Variants in GALNT13 observed in about 807,000 individuals in gnomAD.
The protein encoded by GALNT13 is polypeptide N-acetylgalactosaminyltransferase 13.
A neutral mutation model predicts 64.2 loss-of-function variants in GALNT13; 28 were observed. The observed-to-expected ratio is 0.44, with a 90% CI of 0.32 to 0.60. The LOEUF (loss-of-function observed/expected upper bound fraction) is 0.60, where lower values mean the gene tolerates loss of function less well. GALNT13 is among the 20% of genes least tolerant of loss of function. The pLI, the probability that GALNT13 is intolerant of heterozygous loss-of-function variation, is 0.05. For synonymous variants in GALNT13, 214 were observed against 224.6 expected (o/e 0.95, Z 0.42); for missense variants, 577 against 669.8 (o/e 0.86, Z 1.53).
the GALNT13 span, among the ~76,000 whole-genome samples, chr2:153,787,410 G>A: frequency 6.6e-6 from 1 of 152,178 alleles, no homozygotes; most frequent in Non-Finnish European, 1.5e-5. Flanking sequence ...CAAAGGCTCA[G>A]TCCTGTGAAG....
At chr2:154,313,271 A>G (rs189418284) in intron 9 of GALNT13, among the ~76,000 whole-genome samples, 66 of 148,646 alleles carry the variant, frequency 4.4e-4, no homozygotes, top group Admixed American at 1.6e-3. Flanking sequence ...CACACACACT[A>G]GAACTTAAGT....
intron 3 of GALNT13, among the ~76,000 whole-genome samples, chr2:154,044,559 A>G (rs1699183795): frequency 1.3e-5 from 2 of 152,120 alleles, no homozygotes; most frequent in Admixed American, 1.3e-4. Flanking sequence ...AAAAGTACTG[A>G]GTGAAACAGA....
chr2:153,434,397 A>T, the GALNT13 span, among the ~76,000 whole-genome samples: 1 of 152,194 alleles, frequency 6.6e-6, no homozygotes, highest in Non-Finnish European at 1.5e-5. Flanking sequence ...TCCCTGAGGA[A>T]TCGCCACACC....
intron 3 of GALNT13, among the ~76,000 whole-genome samples, chr2:154,133,489 C>T (rs1444679605): frequency 7.4e-6 from 1 of 135,742 alleles, no homozygotes; most frequent in Non-Finnish European, 1.6e-5. Context: ...ATAGTAATCT[C>T]AACTCAATTC....
At chr2:154,196,655 C>T (rs1573856401) in intron 4 of GALNT13, among the ~76,000 whole-genome samples, 1 of 152,104 alleles carries the variant, frequency 6.6e-6, no homozygotes, top group African/African-American at 2.4e-5. Context: ...AAGCTACTAC[C>T]GGTCACTGTT....
At chr2:153,788,440 T>G in the GALNT13 span, among the ~76,000 whole-genome samples, 1 of 151,412 alleles carries the variant, frequency 6.6e-6, no homozygotes, top group Non-Finnish European at 1.5e-5. Context: ...TTACAAGAGC[T>G]CCTAAAAAAA....
intron 2 of GALNT13, among the ~76,000 whole-genome samples, chr2:153,906,506 T>C (rs1212553014): frequency 1.3e-5 from 2 of 151,830 alleles, no homozygotes; most frequent in Non-Finnish European, 2.9e-5. Flanking sequence ...TTTGGTTTTT[T>C]GTCCTTGTGA....
At chr2:154,305,546 G>A (rs1226316619) in intron 9 of GALNT13, among the ~76,000 whole-genome samples, 1 of 152,144 alleles carries the variant, frequency 6.6e-6, no homozygotes, top group Non-Finnish European at 1.5e-5. Context: ...TATGTTTTGT[G>A]AGATTTCTAC....
intron 4 of GALNT13, among the ~76,000 whole-genome samples, chr2:154,212,854 G>A (rs1388655358): frequency 4.0e-5 from 6 of 151,366 alleles, no homozygotes; most frequent in African/African-American, 1.5e-4. Context: ...TCAGACTTGT[G>A]CATTTTTTTT....
At chr2:153,609,524 C>T in the GALNT13 span, among the ~76,000 whole-genome samples, 5 of 152,070 alleles carry the variant, frequency 3.3e-5, no homozygotes, top group African/African-American at 9.7e-5. Context: ...TGATGTGAGA[C>T]CTTGCCTTTT....
the GALNT13 span, among the ~76,000 whole-genome samples, chr2:153,819,432 T>C: frequency 1.3e-5 from 2 of 152,140 alleles, no homozygotes; most frequent in Non-Finnish European, 2.9e-5. Flanking sequence ...GGGGAACCAG[T>C]GCAGCTCCCT....
chr2:153,166,079 T>C, the GALNT13 span, among the ~76,000 whole-genome samples: 1 of 152,200 alleles, frequency 6.6e-6, no homozygotes, highest in Non-Finnish European at 1.5e-5. Context: ...TGGCATACTC[T>C]AATCTCTAGG....
intron 3 of GALNT13, among the ~76,000 whole-genome samples, chr2:153,996,241 G>C (rs546960366): frequency 2.6e-4 from 39 of 152,102 alleles, no homozygotes; most frequent in Admixed American, 3.9e-4. Context: ...AATTTTTTGA[G>C]GAACTTCTAT....
the GALNT13 span, among the ~76,000 whole-genome samples, chr2:153,216,230 T>C: frequency 6.6e-6 from 1 of 152,194 alleles, no homozygotes; most frequent in South Asian, 2.1e-4. Context: ...TTCCAGTTGT[T>C]TCAGGTTTTA....
the GALNT13 span, among the ~76,000 whole-genome samples, chr2:153,167,256 C>A: frequency 7.4e-4 from 112 of 152,308 alleles, no homozygotes; most frequent in African/African-American, 2.4e-3. Context: ...AAGGGTCATA[C>A]ATTTTTGCCT....
intron 12 of GALNT13, among the ~76,000 whole-genome samples, chr2:154,444,316 G>T (rs1474427092): frequency 6.6e-6 from 1 of 152,024 alleles, no homozygotes; most frequent in Non-Finnish European, 1.5e-5. Context: ...ATAGAAATGT[G>T]CAAGGACTTG....
At chr2:153,087,609 G>A in the GALNT13 span, among the ~76,000 whole-genome samples, 1 of 151,980 alleles carries the variant, frequency 6.6e-6, no homozygotes, top group Non-Finnish European at 1.5e-5. Context: ...ATCTGGTCCT[G>A]GACTTTTTCT....
chr2:153,116,343 T>C, the GALNT13 span, among the ~76,000 whole-genome samples: 7 of 152,286 alleles, frequency 4.6e-5, no homozygotes, highest in East Asian at 1.3e-3. Flanking sequence ...TTTCTTTTAA[T>C]GAACGGACTG....
At chr2:153,563,287 G>GT in the GALNT13 span, among the ~76,000 whole-genome samples, 1,439 of 151,930 alleles carry the variant, frequency 9.5e-3, 22 homozygotes, top group African/African-American at 0.033. Context: ...TCATTTTGAG[G>GT]TTTTTCTTTG....
Sources: allele counts gnomAD v4.1 joint callset (sites outside exome capture counted in the v4.1 genomes callset), GRCh38; gene constraint gnomAD v4.1.1; transcripts MANE v1.5; gene names NCBI Gene and HGNC (gene_info 2026-07-23, HGNC 2026-07-21).